Variants in SLCO1B1 observed in about 807,000 individuals in gnomAD.
SLCO1B1 encodes OATP-2.
In SLCO1B1, 81 loss-of-function variants were observed where a neutral mutation model predicts 70.1. The ratio of observed to expected loss-of-function variants is 1.16; its 90% confidence interval spans 0.97 to 1.39. The LOEUF is 1.39. Among genes scored for constraint, SLCO1B1 ranks in the 40% most tolerant of loss-of-function variants. SLCO1B1 has a pLI of 0.00. For synonymous variants in SLCO1B1, 283 were observed against 271.5 expected (o/e 1.04, Z -0.42); for missense variants, 895 against 799.6 (o/e 1.12, Z -1.44).
intron 1 of SLCO1B1, among the ~76,000 whole-genome samples, chr12:21,140,525 G>A (rs1195749229): frequency 1.3e-5 from 2 of 151,910 alleles, no homozygotes; most frequent in East Asian, 3.9e-4. Context: ...TTATTCTGCA[G>A]ATATGGCCAC....
chr12:21,163,628 A>G (rs1222771618), intron 2 of SLCO1B1, among the ~76,000 whole-genome samples: 1 of 152,172 alleles, frequency 6.6e-6, no homozygotes, highest in African/African-American at 2.4e-5. Context: ...TCAGGGTGCC[A>G]GTATGGTTAG....
chr12:21,134,467 CT>C (rs899390673), intron 1 of SLCO1B1, among the ~76,000 whole-genome samples: 5 of 151,794 alleles, frequency 3.3e-5, no homozygotes, highest in Non-Finnish European at 5.9e-5. Context: ...TGGTCCTGGA[CT>C]TTTTTTTGTT....
chr12:21,193,468 T>C (rs1941054425), intron 7 of SLCO1B1, among the ~76,000 whole-genome samples: 1 of 152,210 alleles, frequency 6.6e-6, no homozygotes, highest in African/African-American at 2.4e-5. Flanking sequence ...TGTCCATGTT[T>C]GCTTTATAGC....
At chr12:21,203,597 C>G (rs138770742) in intron 10 of SLCO1B1, among the ~76,000 whole-genome samples, 99 of 152,134 alleles carry the variant, frequency 6.5e-4, no homozygotes, top group African/African-American at 2.2e-3. Flanking sequence ...CTTCTATAAA[C>G]ATTGTGCTAT....
chr12:21,183,480 G>A (rs1940929573), intron 7 of SLCO1B1, among the ~76,000 whole-genome samples: 1 of 152,176 alleles, frequency 6.6e-6, no homozygotes, highest in African/African-American at 2.4e-5. Context: ...ACAGGCTTGA[G>A]CCACTGTGCC....
At chr12:21,207,536 T>G (rs993659323) in intron 11 of SLCO1B1, among the ~76,000 whole-genome samples, 2 of 151,986 alleles carry the variant, frequency 1.3e-5, no homozygotes, top group Admixed American at 6.6e-5. Context: ...TCTAATTCAC[T>G]GTTGACGGGC....
At chr12:21,183,212 T>G (rs1235475158) in intron 7 of SLCO1B1, among the ~76,000 whole-genome samples, 3 of 150,302 alleles carry the variant, frequency 2.0e-5, no homozygotes, top group African/African-American at 7.5e-5. Context: ...GCCTATATAT[T>G]TGAGACTGTA....
chr12:21,146,060 A>C (rs981634107), intron 2 of SLCO1B1, among the ~76,000 whole-genome samples: 3 of 152,270 alleles, frequency 2.0e-5, no homozygotes, highest in African/African-American at 7.2e-5. Flanking sequence ...AGAATTCAAC[A>C]GTGAAACCAT....
chr12:21,150,318 C>A (rs1940453962), intron 2 of SLCO1B1, among the ~76,000 whole-genome samples: 1 of 152,178 alleles, frequency 6.6e-6, no homozygotes, highest in Admixed American at 6.5e-5. Flanking sequence ...GGCAGTGGAT[C>A]TCCTAGCACC....
Position 21,238,965 on chromosome 12 carries a change from CTCTATT to C in SLCO1B1, c.1866-9_1866-4del. ...TTAAACTGATTTATTGTTTTATTTTCTCTATTTCTACAGAAGGGTCTACTTGGGCTT... is the reference window on the plus strand; with the variant it reads ...TTAAACTGATTTATTGTTTTATTTTCTCTACAGAAGGGTCTACTTGGGCTT... On this transcript the variant is annotated splice_polypyrimidine_tract_variant and splice_region_variant and intron_variant, in intron 14 of 14. Transcript: ENST00000256958. The C allele has an allele frequency of 6.8e-7, 1 of 1,466,010 alleles. No homozygotes were observed. Among genetic ancestry groups the C allele is most frequent in the Non-Finnish European group, 9.5e-7 (1 of 1,052,712 alleles). 90.8% of individuals were successfully genotyped at this position (1,466,010 alleles called of 1,614,324 possible).
At chr12:21,238,502 A>T (rs1423849482) in intron 14 of SLCO1B1, among the ~76,000 whole-genome samples, 1 of 151,572 alleles carries the variant, frequency 6.6e-6, no homozygotes, top group Non-Finnish European at 1.5e-5. Context: ...ATGACTGGCA[A>T]TTTTTTTCAT....
rs112840463 is a variant in SLCO1B1 at position 21,135,110 on chromosome 12, G to A, written c.-62+3874G>A. Among the ~76,000 whole-genome samples, 13 of 152,250 alleles carry A rather than the reference G, an allele frequency of 8.5e-5. 1 individual carries two copies. The highest frequency in any genetic ancestry group is 3.3e-4 in the Admixed American group (5 of 15,296). On this transcript the variant is annotated intron_variant, in intron 1 of 14. Coordinates refer to ENST00000256958, the MANE Select transcript of SLCO1B1 (RefSeq NM_006446.5). Reference sequence around the variant, plus strand: ...TTATGTACCCAGTAGTCATTCAGTAGCAGATTGTTCAGTTTCCATGCAGTT... The same window carrying A: ...TTATGTACCCAGTAGTCATTCAGTAACAGATTGTTCAGTTTCCATGCAGTT...
chr12:21,152,581 T>C (rs1052817995), intron 2 of SLCO1B1, among the ~76,000 whole-genome samples: 7 of 125,170 alleles, frequency 5.6e-5, no homozygotes, highest in Non-Finnish European at 6.7e-5. Flanking sequence ...CACAAGTGTT[T>C]TTTTAGTATT....
intron 2 of SLCO1B1, among the ~76,000 whole-genome samples, chr12:21,143,808 T>C (rs980646567): frequency 3.3e-5 from 5 of 152,056 alleles, no homozygotes; most frequent in Non-Finnish European, 7.4e-5. Context: ...CTTTCCTCAT[T>C]CCATACTTCT....
intron 5 of SLCO1B1, among the ~76,000 whole-genome samples, chr12:21,177,850 A>G (rs541952253): frequency 1.4e-4 from 22 of 152,296 alleles, no homozygotes; most frequent in Admixed American, 5.9e-4. Flanking sequence ...AAGTTTTGAT[A>G]TTAAAGAAAT....
intron 11 of SLCO1B1, among the ~76,000 whole-genome samples, chr12:21,211,179 A>T (rs1366653460): frequency 6.6e-6 from 1 of 152,162 alleles, no homozygotes; most frequent in Non-Finnish European, 1.5e-5. Context: ...CCCATTCAGT[A>T]TGATATTGGC....
chr12:21,210,497 G>A (rs1454784484), intron 11 of SLCO1B1, among the ~76,000 whole-genome samples: 1 of 110,522 alleles, frequency 9.0e-6, no homozygotes, highest in East Asian at 4.3e-4. Flanking sequence ...GTAGTGTGAT[G>A]ATGCCTCCAG....
At chr12:21,197,729 C>T (rs773399553) in intron 8 of SLCO1B1, among the ~76,000 whole-genome samples, 1 of 151,992 alleles carries the variant, frequency 6.6e-6, no homozygotes, top group Non-Finnish European at 1.5e-5. Flanking sequence ...AGAAGTTTCT[C>T]CCTATGTAAT....
chr12:21,214,198 T>C (rs1941325783), intron 11 of SLCO1B1, among the ~76,000 whole-genome samples: 1 of 152,182 alleles, frequency 6.6e-6, no homozygotes, highest in Non-Finnish European at 1.5e-5. Flanking sequence ...TGGTTTTATG[T>C]ACTTTTGGTC....
Sources: allele counts gnomAD v4.1 joint callset (sites outside exome capture counted in the v4.1 genomes callset), GRCh38; gene constraint gnomAD v4.1.1; transcripts MANE v1.5; gene names NCBI Gene and HGNC (gene_info 2026-07-23, HGNC 2026-07-21).